Variants in CMIP observed in about 807,000 individuals in gnomAD.
CMIP encodes C-Maf-inducing protein.
In CMIP, 13 loss-of-function variants were observed where a neutral mutation model predicts 97.3. That is an observed-to-expected ratio of 0.13 (90% confidence interval 0.09 to 0.21). The LOEUF (loss-of-function observed/expected upper bound fraction) is 0.21. CMIP is among the 10% of genes least tolerant of loss of function. CMIP has a pLI of 1.00. For synonymous variants in CMIP, 538 were observed against 436.3 expected (o/e 1.23, Z -2.91); for missense variants, 847 against 1,024.9 (o/e 0.83, Z 2.37).
At chr16:81,535,438 C>T (rs150501647) in intron 1 of CMIP, among the ~76,000 whole-genome samples, 1 of 150,306 alleles carries the variant, frequency 6.7e-6, no homozygotes, top group African/African-American at 2.5e-5. Flanking sequence ...TTTCCTGTCA[C>T]TTCTGCTCAT....
At chr16:81,598,929 A>G (rs1316629786) in intron 1 of CMIP, among the ~76,000 whole-genome samples, 2 of 142,002 alleles carry the variant, frequency 1.4e-5, no homozygotes, top group African/African-American at 5.3e-5. Flanking sequence ...AGATCATGCC[A>G]GTGTACTCCA....
intron 1 of CMIP, among the ~76,000 whole-genome samples, chr16:81,544,109 G>C (rs1311274398): frequency 6.6e-6 from 1 of 152,190 alleles, no homozygotes; most frequent in Non-Finnish European, 1.5e-5. Context: ...AGAAGGAAGG[G>C]CAAACGCTGG....
intron 1 of CMIP, among the ~76,000 whole-genome samples, chr16:81,604,213 G>A (rs1193111224): frequency 3.3e-5 from 5 of 151,654 alleles, no homozygotes; most frequent in Non-Finnish European, 7.4e-5. Flanking sequence ...GGCCAACATG[G>A]TGAAACCCCA....
chr16:81,677,296 C>T (rs1214117322), intron 9 of CMIP, among the ~76,000 whole-genome samples: 1 of 152,168 alleles, frequency 6.6e-6, no homozygotes, highest in African/African-American at 2.4e-5. Context: ...ATCCCATCTC[C>T]GTCGACTCAT....
At chr16:81,528,253 C>A (rs950438318) in intron 1 of CMIP, among the ~76,000 whole-genome samples, 1 of 152,032 alleles carries the variant, frequency 6.6e-6, no homozygotes, top group Non-Finnish European at 1.5e-5. Context: ...TTGAAATTGG[C>A]GCTTGTCTGG....
At chr16:81,467,380 G>A (rs891726387) in intron 1 of CMIP, among the ~76,000 whole-genome samples, 2 of 152,078 alleles carry the variant, frequency 1.3e-5, no homozygotes, top group Admixed American at 1.3e-4. Flanking sequence ...CCCCAGCAGC[G>A]GTGCCTCTCC....
intron 1 of CMIP, among the ~76,000 whole-genome samples, chr16:81,530,936 T>G (rs1400562624): frequency 6.6e-6 from 1 of 152,366 alleles, no homozygotes; most frequent in Admixed American, 6.5e-5. Flanking sequence ...CTTCTCCTGC[T>G]GAACTGTCGA....
intron 1 of CMIP, among the ~76,000 whole-genome samples, chr16:81,565,548 G>T (rs1010769563): frequency 6.6e-6 from 1 of 152,214 alleles, no homozygotes; most frequent in Non-Finnish European, 1.5e-5. Flanking sequence ...TCCCCCAGAA[G>T]GAACCCATAT....
At chr16:81,474,568 G>A (rs9935375) in intron 1 of CMIP, among the ~76,000 whole-genome samples, 1 of 152,284 alleles carries the variant, frequency 6.6e-6, no homozygotes, top group African/African-American at 2.4e-5. Context: ...ACTGAGTCAG[G>A]TCAGAGGAGC....
chr16:81,529,551 A>G (rs765001394), intron 1 of CMIP, among the ~76,000 whole-genome samples: 7 of 152,150 alleles, frequency 4.6e-5, no homozygotes, highest in Admixed American at 2.6e-4. Flanking sequence ...GAAATGGAAT[A>G]TGCTGCCTGC....
At chr16:81,668,030 G>A (rs988110911) in intron 7 of CMIP, among the ~76,000 whole-genome samples, 22 of 152,100 alleles carry the variant, frequency 1.4e-4, no homozygotes, top group African/African-American at 5.1e-4. Context: ...CTGGGAGCCT[G>A]CGGGAGGGAG....
chr16:81,463,527 A>C (rs1017472656), intron 1 of CMIP, among the ~76,000 whole-genome samples: 1 of 152,202 alleles, frequency 6.6e-6, no homozygotes, highest in Non-Finnish European at 1.5e-5. Flanking sequence ...TGCTGTGCGC[A>C]TGGAGTCCTC....
intron 10 of CMIP, among the ~76,000 whole-genome samples, chr16:81,691,016 G>A (rs1354990914): frequency 2.0e-5 from 3 of 152,180 alleles, no homozygotes; most frequent in African/African-American, 4.8e-5. Flanking sequence ...AGCTTAGAAT[G>A]TTTGTTGTTT....
intron 3 of CMIP, among the ~76,000 whole-genome samples, chr16:81,638,158 G>C (rs1415269250): frequency 6.6e-6 from 1 of 152,184 alleles, no homozygotes; most frequent in South Asian, 2.1e-4. Context: ...CGCCTCCTCT[G>C]TCTCTCCTTT....
chr16:81,493,854 T>C (rs535327820), intron 1 of CMIP, among the ~76,000 whole-genome samples: 1 of 152,336 alleles, frequency 6.6e-6, no homozygotes, highest in Admixed American at 6.5e-5. Flanking sequence ...CCACGTGGCT[T>C]CAGGGCCCAG....
At chr16:81,464,808 G>A (rs149037596) in intron 1 of CMIP, 1 of 152,292 alleles carries the variant, frequency 6.6e-6, no homozygotes, top group East Asian at 1.9e-4. Flanking sequence ...GAATCATACG[G>A]TATTTGTCCT....
At chr16:81,620,958 G>T (rs372444412) in intron 3 of CMIP, 32 bp downstream of exon 3, 103 of 1,612,204 alleles carry the variant, frequency 6.4e-5, no homozygotes, top group Non-Finnish European at 8.6e-5. Context: ...TGTTTAAAGC[G>T]ACTCAGGCAG....
rs556430711 is a variant in CMIP at position 81,710,228 on chromosome 16, C to G, written c.*429C>G. 1 of 219,314 alleles carries G rather than the reference C, an allele frequency of 4.6e-6. No homozygotes were observed. Among genetic ancestry groups the G allele is most frequent in the African/African-American group, 2.3e-5 (1 of 44,008 alleles). The allele number at this position is 219,314 out of a possible 1,614,324, so 13.6% of individuals were successfully genotyped here. A position where few individuals can be genotyped will look rare whatever the true frequency, so the allele number is the denominator to read the frequency against. On this transcript the variant is annotated 3_prime_UTR_variant, in exon 21 of 21. Transcript: ENST00000537098. ...TAGAGGCTCCGAGCTGAGCTGCGAA[C>G]TCGCCCCCCGCCCTTGGGACAAGAA...
At chr16:81,594,783 T>A (rs1297467648) in intron 1 of CMIP, among the ~76,000 whole-genome samples, 3 of 127,402 alleles carry the variant, frequency 2.4e-5, no homozygotes, top group Non-Finnish European at 5.2e-5. Flanking sequence ...CCAGCTAATT[T>A]TTTTTTTTTT....
Sources: gnomAD v4.1 joint callset for allele counts (sites outside exome capture counted in the v4.1 genomes callset) on GRCh38, gnomAD v4.1.1 for gene constraint, MANE v1.5 for transcripts, NCBI Gene and HGNC (gene_info 2026-07-23, HGNC 2026-07-21) for gene names.